Variants in CACNA1D observed in about 807,000 individuals in gnomAD.
The protein encoded by CACNA1D is voltage-dependent L-type calcium channel subunit alpha-1D.
In CACNA1D, 55 loss-of-function variants were observed where a neutral mutation model predicts 257.1. The ratio of observed to expected loss-of-function variants is 0.21; its 90% CI spans 0.17 to 0.27. The LOEUF (loss-of-function observed/expected upper bound fraction) is 0.27. Ranked by LOEUF, CACNA1D falls within the 10% of genes least tolerant of loss-of-function variation. The pLI is 1.00. For synonymous variants in CACNA1D, 980 were observed against 1,014.9 expected (o/e 0.97, Z 0.65); for missense variants, 1,876 against 2,784.0 (o/e 0.67, Z 7.34).
At chr3:53,541,092 G>A (rs1286095003) in intron 3 of CACNA1D, among the ~76,000 whole-genome samples, 1 of 152,140 alleles carries the variant, frequency 6.6e-6, no homozygotes, top group East Asian at 1.9e-4. Context: ...GTTTAAAATT[G>A]TGCTGCAAAA....
Position 53,751,758 on chromosome 3 carries a change from G to A in CACNA1D, c.3526G>A (p.Val1176Ile), listed in dbSNP as rs1223311381. ...TTTTCTGCTGTTGCAGCGTCAGTGT[G>A]TTGAATACGCCTTGAAAGCACGTCC... ...CELDKNQRQC[V>I]EYALKARPLR... is the part of the protein sequence containing the mutation. Residue 1176 changes from valine to isoleucine, a missense_variant, in exon 28 of 48, where the codon GTT (valine) becomes ATT (isoleucine). Val to Ile is a conservative substitution (Grantham distance 29). This residue lies in a region of CACNA1D where 204 missense variants were observed against 309.4 expected (regional missense o/e 0.66). Coordinates refer to ENST00000350061, the MANE Select transcript of CACNA1D (RefSeq NM_001128840.3). This position sits in a 1 kb window ranked among gnomAD's most constrained non-coding sequence, Gnocchi z 4.3. 1 of 1,614,096 alleles carries A rather than the reference G, an allele frequency of 6.2e-7. No individual in the cohort carries two copies.
rs539703719 is a variant in CACNA1D at position 53,811,723 on chromosome 3, G to C, written c.*317G>C. On this transcript the variant is annotated 3_prime_UTR_variant, in exon 48 of 48. Coordinates refer to ENST00000350061, the MANE Select transcript of CACNA1D (RefSeq NM_001128840.3). The surrounding 1 kb of genome is among the most constrained non-coding windows in gnomAD (Gnocchi z 4.2). ...CCAGATGGGCACTGCTGTGGAGTCTGCTTCTCCCATGTACCAGGGCACCAG... is the reference window on the plus strand; with the variant it reads ...CCAGATGGGCACTGCTGTGGAGTCTCCTTCTCCCATGTACCAGGGCACCAG... 4.3e-6 allele frequency: 1 copy of C among 232,222 alleles called. No homozygotes were observed. The highest frequency in any genetic ancestry group is 2.3e-5 in the African/African-American group (1 of 44,172). 14.4% of individuals were successfully genotyped at this position (232,222 alleles called of 1,614,324 possible). A position where few individuals can be genotyped will look rare whatever the true frequency, so the allele number is the denominator to read the frequency against.
rs2095608943 is a variant in CACNA1D, at chr3:53,813,310, CTG to C, written c.*1908_*1909del. 2 of 152,112 alleles carry C rather than the reference CTG, an allele frequency of 1.3e-5. No homozygotes were observed. Among genetic ancestry groups the C allele is most frequent in the African/African-American group, 2.4e-5 (1 of 41,422 alleles). 9.4% of individuals were successfully genotyped at this position (152,112 alleles called of 1,614,324 possible). A position where few individuals can be genotyped will look rare whatever the true frequency, so the allele number is the denominator to read the frequency against. ...ATGCAAAATGTTCTTCAGAATAAAA[CTG>C]TGTAATAATTTTTATACTTGGGAGT... On this transcript the variant is annotated 3_prime_UTR_variant, in exon 48 of 48. Transcript: ENST00000350061.
chr3:53,648,828 A>AC lies in CACNA1D; in HGVS notation c.484-1951_484-1950insC, dbSNP rs1408956380. Among the ~76,000 whole-genome samples, 323 of 125,128 alleles carry AC rather than the reference A, an allele frequency of 2.6e-3. 3 individuals carry two copies. Among genetic ancestry groups the AC allele is most frequent in the African/African-American group, 0.012 (305 of 25,814 alleles). The allele number at this position is 125,128 out of a possible 152,430, so 82.1% of individuals were successfully genotyped here. On this transcript the variant is annotated intron_variant, in intron 3 of 47. Transcript: ENST00000350061. ...ACACACTGATGCTGGCTAACTCTCA[A>AC]AACACACACACACACACACACACAC...
At position 53,497,282 on chromosome 3, in the gene CACNA1D, C is replaced by T. The variant is rs1163865429; in HGVS notation, c.198C>T (p.Ala66=). The change falls in exon 2 of 48, where the codon GCC becomes GCT. Residue 66 remains alanine (A), a synonymous_variant. Coordinates refer to ENST00000350061, the MANE Select transcript of CACNA1D (RefSeq NM_001128840.3). ...ATGCTGCTAGACAGGCCAAGGCTGC[C>T]CAAACTATGAGCACCTCTGCACCCC... ...AIDAARQAKA[A]QTMSTSAPPP... 6.2e-6 allele frequency: 10 copies of T among 1,614,000 alleles called. No individual in the cohort carries two copies. In the African/African-American group the frequency reaches 6.7e-5, roughly 11 times the overall value.
At position 53,809,774 on chromosome 3, in the gene CACNA1D, G is replaced by A; in HGVS notation, c.5872-204G>A. 6.6e-6 allele frequency: 4 copies of A among 609,186 alleles called. No individual in the cohort carries two copies. In the South Asian group the frequency reaches 7.6e-5, roughly 12 times the overall value. 37.7% of individuals were successfully genotyped at this position (609,186 alleles called of 1,614,324 possible). On this transcript the variant is annotated intron_variant, in intron 46 of 47. Transcript: ENST00000350061. Reference sequence around the variant, plus strand: ...CCAAAGGAAATGCATTATGGATTCGGGGTAAAAGAAAGCACAGTCTGCTAG... The same window carrying A: ...CCAAAGGAAATGCATTATGGATTCGAGGTAAAAGAAAGCACAGTCTGCTAG...
At chr3:53,665,303 T>C (rs1248912489) in intron 5 of CACNA1D, among the ~76,000 whole-genome samples, 1 of 152,228 alleles carries the variant, frequency 6.6e-6, no homozygotes, top group African/African-American at 2.4e-5. Context: ...ACATAAACCG[T>C]CTTCATATTG....
Position 53,801,461 on chromosome 3 carries a change from G to C in CACNA1D, c.5408+36G>C, listed in dbSNP as rs756884280. The C allele has an allele frequency of 5.6e-6, 9 of 1,610,460 alleles. No individual in the cohort carries two copies. The South Asian group carries it at 9.9e-5, about 18-fold the overall frequency. On this transcript the variant is annotated intron_variant, in intron 42 of 47. Coordinates refer to ENST00000350061, the MANE Select transcript of CACNA1D (RefSeq NM_001128840.3). ...CAATGTGTTTGGACTTGCTCATGTG[G>C]TGTCTGCCCGTGTTGCGTCTAGTCC...
intron 8 of CACNA1D, among the ~76,000 whole-genome samples, chr3:53,701,480 T>TG (rs1350756892): frequency 6.6e-6 from 1 of 152,056 alleles, no homozygotes; most frequent in Admixed American, 6.5e-5. Flanking sequence ...TGGGTTGGGT[T>TG]GGGTTGAGTT....
intron 21 of CACNA1D, among the ~76,000 whole-genome samples, chr3:53,740,704 T>C (rs2095109072): frequency 6.6e-6 from 1 of 152,112 alleles, no homozygotes; most frequent in Non-Finnish European, 1.5e-5. Context: ...CCACTCTGGC[T>C]TCATGATAGT....
chr3:53,682,423 G>GGT (rs1268144103), intron 8 of CACNA1D, among the ~76,000 whole-genome samples: 1 of 144,630 alleles, frequency 6.9e-6, no homozygotes, highest in Non-Finnish European at 1.5e-5. Flanking sequence ...TGGGCAATGT[G>GGT]GTGTGTGCCT....
rs937608575 is a variant in CACNA1D at position 53,715,040 on chromosome 3, G to A, written c.1391-3261G>A. ...ATCTTTTCAAATATTTTTGGAAAAG[G>A]ATAAGTGTGATATTTCTTCTGGAAA... is the stretch of plus-strand genomic sequence containing the variant. On this transcript the variant is annotated intron_variant, in intron 9 of 47. Coordinates refer to ENST00000350061, the MANE Select transcript of CACNA1D (RefSeq NM_001128840.3). Among the ~76,000 whole-genome samples, 3 of 152,250 alleles carry A rather than the reference G, an allele frequency of 2.0e-5. No individual in the cohort carries two copies. In the South Asian group the frequency reaches 6.2e-4, roughly 32 times the overall value.
chr3:53,610,352 A>G (rs965473985), intron 3 of CACNA1D, among the ~76,000 whole-genome samples: 1 of 152,190 alleles, frequency 6.6e-6, no homozygotes, highest in South Asian at 2.1e-4. Flanking sequence ...GTTCCCAACT[A>G]TACTTGTGGA....
intron 3 of CACNA1D, among the ~76,000 whole-genome samples, chr3:53,557,927 A>G (rs2092675623): frequency 6.6e-6 from 1 of 152,214 alleles, no homozygotes; most frequent in African/African-American, 2.4e-5. Context: ...CACTGAATCT[A>G]TAGATCGATT....
At chr3:53,684,643 AAG>A (rs1025666962) in intron 8 of CACNA1D, among the ~76,000 whole-genome samples, 5 of 148,108 alleles carry the variant, frequency 3.4e-5, no homozygotes, top group African/African-American at 1.2e-4. Context: ...AAAAAAAAAA[AAG>A]CATCAAAATG....
chr3:53,566,485 G>A (rs925504193), intron 3 of CACNA1D, among the ~76,000 whole-genome samples: 2 of 152,054 alleles, frequency 1.3e-5, no homozygotes, highest in African/African-American at 2.4e-5. Context: ...ATTCATCTCT[G>A]CCAGCCCTCC....
chr3:53,558,162 GTTTGCTAGCA>G (rs1257964710), intron 3 of CACNA1D, among the ~76,000 whole-genome samples: 31 of 152,226 alleles, frequency 2.0e-4, no homozygotes, highest in African/African-American at 7.2e-4. Flanking sequence ...ACTGCATTCA[GTTTGCTAGCA>G]TTTTGTTGAT....
intron 12 of CACNA1D, 42 bp downstream of exon 12, chr3:53,722,516 T>G: frequency 6.3e-7 from 1 of 1,597,450 alleles, no homozygotes; most frequent in Non-Finnish European, 8.6e-7. Flanking sequence ...GAACTAGAGA[T>G]TTCTGTGGCT....
chr3:53,632,132 C>A (rs2093828493), intron 3 of CACNA1D, among the ~76,000 whole-genome samples: 1 of 152,238 alleles, frequency 6.6e-6, no homozygotes, highest in Non-Finnish European at 1.5e-5. Context: ...GATCTCCTTA[C>A]AATAGAAGGC....
Sources: allele counts gnomAD v4.1 joint callset (sites outside exome capture counted in the v4.1 genomes callset), GRCh38; gene constraint gnomAD v4.1.1; regional missense constraint gnomAD v4.1.1; non-coding constraint Gnocchi (gnomAD v3.1); transcripts MANE v1.5; gene names NCBI Gene and HGNC (gene_info 2026-07-23, HGNC 2026-07-21).